The following ATRNL1 variants were observed in gnomAD, a reference collection of about 807,000 sequenced individuals.
ATRNL1 encodes attractin like 1.
Under a neutral mutation model 182.7 loss-of-function variants are expected in ATRNL1, and 95 were observed. That is an observed-to-expected ratio of 0.52 (90% confidence interval 0.44 to 0.62). ATRNL1 has a LOEUF of 0.62. Ranked by LOEUF, ATRNL1 falls within the 20% of genes least tolerant of loss-of-function variation. ATRNL1 has a pLI of 0.00. For missense variants in ATRNL1, 1,471 were observed against 1,679.5 expected (o/e 0.88, Z 2.17); for synonymous variants, 576 against 568.3 (o/e 1.01, Z -0.19).
intron 20 of ATRNL1, among the ~76,000 whole-genome samples, chr10:115,415,998 C>T (rs1845371918): frequency 6.6e-6 from 1 of 151,934 alleles, no homozygotes; most frequent in East Asian, 1.9e-4. Flanking sequence ...CTTCAAAGCT[C>T]ATCTTTTTCA....
At chr10:115,938,113 A>C (rs1953617524) in intron 28 of ATRNL1, among the ~76,000 whole-genome samples, 1 of 152,236 alleles carries the variant, frequency 6.6e-6, no homozygotes, top group East Asian at 1.9e-4. Flanking sequence ...GTTTGTATAT[A>C]AAGCGGGAAT....
chr10:115,169,206 CTTTTTTTTTT>C (rs781950574), intron 7 of ATRNL1, among the ~76,000 whole-genome samples: 2 of 125,978 alleles, frequency 1.6e-5, no homozygotes, highest in Admixed American at 1.6e-4. Flanking sequence ...GTTTTGATTA[CTTTTTTTTTT>C]TTTTTTTTGA....
intron 8 of ATRNL1, among the ~76,000 whole-genome samples, chr10:115,201,409 A>T (rs1224801538): frequency 2.6e-5 from 4 of 152,082 alleles, no homozygotes; most frequent in African/African-American, 4.8e-5. Context: ...ATTTTTGTAT[A>T]AGGTGTAAGG....
At chr10:115,881,031 C>G (rs1480556525) in intron 28 of ATRNL1, among the ~76,000 whole-genome samples, 1 of 152,186 alleles carries the variant, frequency 6.6e-6, no homozygotes, top group Non-Finnish European at 1.5e-5. Flanking sequence ...GTGGTACCTA[C>G]TGTATTTTTG....
intron 26 of ATRNL1, among the ~76,000 whole-genome samples, chr10:115,692,083 C>T (rs570259688): frequency 6.6e-6 from 1 of 152,236 alleles, no homozygotes; most frequent in Admixed American, 6.5e-5. Flanking sequence ...GCAGTTTTGA[C>T]TTCATGAGGT....
At chr10:115,210,405 C>T (rs1447240462) in intron 8 of ATRNL1, among the ~76,000 whole-genome samples, 2 of 151,770 alleles carry the variant, frequency 1.3e-5, no homozygotes, top group Non-Finnish European at 1.5e-5. Context: ...TGATATATCT[C>T]CCACCACAGT....
At chr10:115,874,086 T>G (rs1177228242) in intron 28 of ATRNL1, among the ~76,000 whole-genome samples, 1 of 152,184 alleles carries the variant, frequency 6.6e-6, no homozygotes, top group Non-Finnish European at 1.5e-5. Context: ...TCCACAGCTC[T>G]TCATGCTTGT....
At chr10:115,270,547 A>G (rs1851816316) in intron 13 of ATRNL1, among the ~76,000 whole-genome samples, 1 of 151,590 alleles carries the variant, frequency 6.6e-6, no homozygotes, top group African/African-American at 2.4e-5. Context: ...CAAACTGAAG[A>G]CCCAGGAAAG....
intron 28 of ATRNL1, among the ~76,000 whole-genome samples, chr10:115,883,888 A>G (rs1951883984): frequency 6.6e-6 from 1 of 152,260 alleles, no homozygotes; most frequent in African/African-American, 2.4e-5. Context: ...CTGTCCATTC[A>G]GCCTGCAGTG....
At chr10:115,131,721 T>C (rs139016379) in intron 5 of ATRNL1, among the ~76,000 whole-genome samples, 153 of 152,298 alleles carry the variant, frequency 1.0e-3, no homozygotes, top group African/African-American at 3.4e-3. Context: ...CAAGGTGTTA[T>C]TTGGAACTGG....
At chr10:115,637,756 C>T (rs1271164465) in intron 26 of ATRNL1, among the ~76,000 whole-genome samples, 2 of 151,736 alleles carry the variant, frequency 1.3e-5, no homozygotes, top group Admixed American at 1.3e-4. Flanking sequence ...TCCCAAGTAG[C>T]TGGGATTCCA....
intron 19 of ATRNL1, among the ~76,000 whole-genome samples, chr10:115,361,578 A>G (rs548230070): frequency 3.3e-5 from 5 of 152,226 alleles, no homozygotes; most frequent in African/African-American, 7.2e-5. Flanking sequence ...ACCTACATCA[A>G]TATTCATTTC....
intron 28 of ATRNL1, among the ~76,000 whole-genome samples, chr10:115,887,112 A>G (rs548553768): frequency 2.4e-4 from 37 of 152,316 alleles, no homozygotes; most frequent in Non-Finnish European, 4.3e-4. Flanking sequence ...CACCAGACCA[A>G]CTGAATCAGA....
chr10:115,317,245 T>G (rs2134019022), intron 18 of ATRNL1, among the ~76,000 whole-genome samples: 1 of 152,296 alleles, frequency 6.6e-6, no homozygotes. Flanking sequence ...GTGTTATTTC[T>G]GAGGTCTCTG....
At chr10:115,657,486 G>T (rs1188325925) in intron 26 of ATRNL1, among the ~76,000 whole-genome samples, 1 of 152,174 alleles carries the variant, frequency 6.6e-6, no homozygotes. Flanking sequence ...AAAATTCAGT[G>T]TTAATAACTG....
intron 6 of ATRNL1, 140 bp from the exon 7 acceptor site, chr10:115,165,417 AC>A: frequency 2.4e-6 from 1 of 422,754 alleles, no homozygotes; most frequent in Non-Finnish European, 4.2e-6. Flanking sequence ...CTAATATGGC[AC>A]ATGAAATTAT....
At chr10:115,199,814 A>G (rs1554891896) in intron 8 of ATRNL1, among the ~76,000 whole-genome samples, 1 of 152,152 alleles carries the variant, frequency 6.6e-6, no homozygotes, top group African/African-American at 2.4e-5. Context: ...TCAAGAATTA[A>G]CAGGACTAAA....
At chr10:115,258,903 G>T (rs536701251) in intron 10 of ATRNL1, among the ~76,000 whole-genome samples, 1 of 152,138 alleles carries the variant, frequency 6.6e-6, no homozygotes, top group Non-Finnish European at 1.5e-5. Flanking sequence ...GAGTTTGCTG[G>T]AGGTTCACTC....
At chr10:115,888,410 T>C (rs1253414604) in intron 28 of ATRNL1, among the ~76,000 whole-genome samples, 1 of 152,190 alleles carries the variant, frequency 6.6e-6, no homozygotes, top group Non-Finnish European at 1.5e-5. Flanking sequence ...CATCTGTTTT[T>C]TCAGGGCCAG....
Sources: allele counts gnomAD v4.1 joint callset (sites outside exome capture counted in the v4.1 genomes callset), GRCh38; gene constraint gnomAD v4.1.1; transcripts MANE v1.5; gene names NCBI Gene and HGNC (gene_info 2026-07-23, HGNC 2026-07-21).